Variants in ADAM10 observed in about 807,000 individuals in gnomAD.
ADAM10 encodes ADAM metallopeptidase domain 10, also known as disintegrin and metalloproteinase domain-containing protein 10.
Under a neutral mutation model 90.1 loss-of-function variants are expected in ADAM10, and 17 were observed. The observed-to-expected ratio is 0.19, with a 90% CI of 0.13 to 0.28. The LOEUF (loss-of-function observed/expected upper bound fraction) is 0.28, where lower values mean the gene tolerates loss of function less well. Among genes scored for constraint, ADAM10 ranks in the 10% least tolerant of loss-of-function variants. The pLI is 1.00. For synonymous variants in ADAM10, 310 were observed against 298.6 expected (o/e 1.04, Z -0.40); for missense variants, 610 against 914.3 (o/e 0.67, Z 4.29).
At chr15:58,631,220 CT>C (rs1896091466) in intron 9 of ADAM10, among the ~76,000 whole-genome samples, 1 of 152,130 alleles carries the variant, frequency 6.6e-6, no homozygotes, top group Admixed American at 6.5e-5. Flanking sequence ...AAATAAACCT[CT>C]TTTCTTTATA....
At chr15:58,680,912 G>T (rs1314373673) in intron 3 of ADAM10, among the ~76,000 whole-genome samples, 1 of 152,052 alleles carries the variant, frequency 6.6e-6, no homozygotes, top group Non-Finnish European at 1.5e-5. Flanking sequence ...TCAACCTCCT[G>T]GGCTCAGCAA....
intron 11 of ADAM10, among the ~76,000 whole-genome samples, chr15:58,616,037 A>G (rs1056985853): frequency 3.3e-5 from 5 of 152,156 alleles, no homozygotes; most frequent in Non-Finnish European, 7.4e-5. Flanking sequence ...GAGACAAAAA[A>G]GATCACTATA....
chr15:58,646,503 C>T (rs1386006685), intron 5 of ADAM10, among the ~76,000 whole-genome samples: 1 of 152,160 alleles, frequency 6.6e-6, no homozygotes, highest in African/African-American at 2.4e-5. Flanking sequence ...GATATCTTCT[C>T]TACCTCACAT....
At chr15:58,651,752 T>G (rs958362977) in intron 5 of ADAM10, among the ~76,000 whole-genome samples, 1 of 152,204 alleles carries the variant, frequency 6.6e-6, no homozygotes, top group Non-Finnish European at 1.5e-5. Flanking sequence ...ATGTATCTCT[T>G]CGGGTAGATG....
At chr15:58,613,456 C>T (rs536879473) in intron 11 of ADAM10, among the ~76,000 whole-genome samples, 4 of 151,628 alleles carry the variant, frequency 2.6e-5, no homozygotes, top group African/African-American at 9.7e-5. Context: ...AGCAACAGGT[C>T]CCAAAGAAAA....
At chr15:58,717,454 G>A (rs1181143980) in intron 2 of ADAM10, 123 bp downstream of exon 2, 2 of 1,233,720 alleles carry the variant, frequency 1.6e-6, no homozygotes, top group Non-Finnish European at 2.3e-6. Flanking sequence ...AAATTCCAGT[G>A]GAAATGGAAT....
intron 8 of ADAM10, among the ~76,000 whole-genome samples, chr15:58,637,291 A>C (rs575741424): frequency 2.6e-5 from 4 of 152,362 alleles, no homozygotes; most frequent in African/African-American, 9.6e-5. Flanking sequence ...CTAACTGTAG[A>C]GATGAATTCC....
intron 2 of ADAM10, among the ~76,000 whole-genome samples, chr15:58,704,463 G>C (rs1369835240): frequency 2.0e-5 from 3 of 152,084 alleles, no homozygotes; most frequent in African/African-American, 7.2e-5. Context: ...CCCAACCAAT[G>C]AACTTTGGCA....
chr15:58,679,703 G>C lies in ADAM10; in HGVS notation c.326-421C>G, dbSNP rs1897376500. Among the ~76,000 whole-genome samples the C allele has an allele frequency of 2.0e-5, 3 of 152,074 alleles. No individual in the cohort carries two copies. In the South Asian group the frequency reaches 6.2e-4, roughly 32 times the overall value. On this transcript the variant is annotated intron_variant, in intron 3 of 15. Transcript: ENST00000260408. ...GCAGATCACTCGAGGCCAGGAGTTC[G>C]AGACCAGCCTAGCTAACATAGCGAA...
chr15:58,602,402 C>A (rs1286498543), intron 14 of ADAM10, among the ~76,000 whole-genome samples: 1 of 152,102 alleles, frequency 6.6e-6, no homozygotes, highest in Non-Finnish European at 1.5e-5. Flanking sequence ...GCAATTCTCA[C>A]CCTGCTTGGG....
At chr15:58,637,071 G>A (rs1465443060) in intron 8 of ADAM10, among the ~76,000 whole-genome samples, 1 of 152,230 alleles carries the variant, frequency 6.6e-6, no homozygotes, top group Non-Finnish European at 1.5e-5. Context: ...CCCAGCATTT[G>A]AAGTTATACT....
chr15:58,634,737 C>T (rs1353655641), intron 8 of ADAM10, among the ~76,000 whole-genome samples: 1 of 152,076 alleles, frequency 6.6e-6, no homozygotes, highest in Non-Finnish European at 1.5e-5. Context: ...AAAAGAAATA[C>T]AATCAAATGG....
At chr15:58,703,309 A>C (rs1410327972) in intron 2 of ADAM10, among the ~76,000 whole-genome samples, 1 of 151,754 alleles carries the variant, frequency 6.6e-6, no homozygotes, top group African/African-American at 2.4e-5. Context: ...AAAAAAAAAA[A>C]AACACACAGA....
At chr15:58,615,475 T>C (rs1895581203) in intron 11 of ADAM10, among the ~76,000 whole-genome samples, 1 of 152,090 alleles carries the variant, frequency 6.6e-6, no homozygotes, top group Admixed American at 6.5e-5. Flanking sequence ...TTTGTAGAAA[T>C]GGGATCTCAC....
At chr15:58,682,612 T>G (rs1390775275) in intron 2 of ADAM10, among the ~76,000 whole-genome samples, 1 of 152,176 alleles carries the variant, frequency 6.6e-6, no homozygotes, top group Non-Finnish European at 1.5e-5. Flanking sequence ...AATAAGTTAC[T>G]TGGAGATTAA....
intron 7 of ADAM10, among the ~76,000 whole-genome samples, chr15:58,641,869 C>T (rs1322482626): frequency 6.6e-6 from 1 of 152,134 alleles, no homozygotes; most frequent in Admixed American, 6.5e-5. Context: ...ATGGTTGATA[C>T]AACAAGAGCT....
chr15:58,725,852 G>A (rs554517350), intron 1 of ADAM10, among the ~76,000 whole-genome samples: 1 of 152,266 alleles, frequency 6.6e-6, no homozygotes, highest in East Asian at 1.9e-4. Flanking sequence ...GTGAGAAGAG[G>A]AGGTGAAACG....
intron 5 of ADAM10, among the ~76,000 whole-genome samples, chr15:58,646,729 A>G (rs1896557686): frequency 6.6e-6 from 1 of 152,226 alleles, no homozygotes; most frequent in African/African-American, 2.4e-5. Context: ...TGAATATGTC[A>G]TCCACCTCAA....
At chr15:58,744,151 T>C (rs548450793) in intron 1 of ADAM10, among the ~76,000 whole-genome samples, 1 of 151,280 alleles carries the variant, frequency 6.6e-6, no homozygotes, top group Non-Finnish European at 1.5e-5. Flanking sequence ...CAAAACACAT[T>C]AGTACCACAT....
Sources: gnomAD v4.1 joint callset for allele counts (sites outside exome capture counted in the v4.1 genomes callset) on GRCh38, gnomAD v4.1.1 for gene constraint, MANE v1.5 for transcripts, NCBI Gene and HGNC (gene_info 2026-07-23, HGNC 2026-07-21) for gene names.